Variants in TSPAN14 observed in about 807,000 individuals in gnomAD.
The protein encoded by TSPAN14 is tetraspanin 14, also known as tetraspanin-14.
Under a neutral mutation model 36.6 loss-of-function variants are expected in TSPAN14, and 16 were observed. That is an observed-to-expected ratio of 0.44 (90% CI 0.30 to 0.66). The LOEUF is 0.66. Among genes scored for constraint, TSPAN14 ranks in the 30% least tolerant of loss-of-function variants. The pLI is 0.12. For missense variants in TSPAN14, 231 were observed against 355.1 expected, an observed-to-expected ratio of 0.65 and a Z score of 2.81; for synonymous variants, 139 against 143.8, an observed-to-expected ratio of 0.97 and a Z score of 0.24.
chr10:80,462,384 T>TGGGGGGGGGG (rs1386121326), intron 1 of TSPAN14, among the ~76,000 whole-genome samples: 1 of 147,386 alleles, frequency 6.8e-6, no homozygotes, highest in African/African-American at 2.5e-5. Flanking sequence ...TGGGGTGGGG[T>TGGGGGGGGGG]GGAGGAGTTA....
chr10:80,517,036 C>G (rs569179613), intron 8 of TSPAN14, among the ~76,000 whole-genome samples: 1 of 152,178 alleles, frequency 6.6e-6, no homozygotes, highest in South Asian at 2.1e-4. Flanking sequence ...AGGAGTCTTT[C>G]CAGTGCTGTT....
chr10:80,507,368 C>T (rs1475493024), exon 4 of TSPAN14: 2 of 1,614,148 alleles, frequency 1.2e-6, no homozygotes, highest in East Asian at 2.2e-5. Flanking sequence ...TCTGCTTGCT[C>T]AACTTTGTGA....
intron 1 of TSPAN14, among the ~76,000 whole-genome samples, chr10:80,463,438 C>G (rs1291155542): frequency 6.6e-6 from 1 of 152,220 alleles, no homozygotes; most frequent in Non-Finnish European, 1.5e-5. Flanking sequence ...TGTTCAGTGC[C>G]TAGTCAAGCA....
chr10:80,487,216 C>G (rs564732487), intron 1 of TSPAN14, among the ~76,000 whole-genome samples: 1 of 152,122 alleles, frequency 6.6e-6, no homozygotes, highest in East Asian at 1.9e-4. Context: ...TCAACAGGCC[C>G]GTCTACCTTG....
chr10:80,518,075 A>G, exon 9 of TSPAN14: 2 of 1,232,076 alleles, frequency 1.6e-6, no homozygotes, highest in Non-Finnish European at 2.3e-6. Context: ...CGACACCCCC[A>G]GAGCCAGTGC....
chr10:80,457,699 CTTCT>C (rs1435427593), intron 1 of TSPAN14, among the ~76,000 whole-genome samples: 2 of 152,220 alleles, frequency 1.3e-5, no homozygotes, highest in Non-Finnish European at 1.5e-5. Flanking sequence ...GGTGATGGAG[CTTCT>C]GTCTCCCTAA....
At chr10:80,461,840 C>G (rs1031476839) in intron 1 of TSPAN14, among the ~76,000 whole-genome samples, 11 of 152,008 alleles carry the variant, frequency 7.2e-5, no homozygotes, top group Non-Finnish European at 1.5e-4. Context: ...CACTGAGCCA[C>G]CGAGAGGAGC....
At chr10:80,516,394 T>A (rs1840943972) in intron 8 of TSPAN14, 71 bp downstream of exon 8, 17 of 1,601,110 alleles carry the variant, frequency 1.1e-5, no homozygotes, top group Non-Finnish European at 1.5e-5. Context: ...TAACATAGAG[T>A]GCATGGGTCC....
rs767571263 is a variant in TSPAN14 at position 80,509,363 on chromosome 10, G to C, written c.342G>C (p.Leu114=). The change falls in exon 5 of 9, where the codon CTG becomes CTC. Residue 114 remains leucine (L), a synonymous_variant. Coordinates refer to ENST00000429989, the Ensembl canonical transcript of TSPAN14. This position sits in a 1 kb window ranked among gnomAD's most constrained non-coding sequence, Gnocchi z 4.7. ...TGGCTGTGGCCGTGCTGGCCTTCCT[G>C]TTCCAGGACTGGGTGAGGGACCGGT... 4.3e-6 allele frequency: 7 copies of C among 1,614,176 alleles called. No individual in the cohort carries two copies. The South Asian group carries it at 6.6e-5, about 15-fold the overall frequency.
chr10:80,461,969 A>G (rs1845995546), intron 1 of TSPAN14, among the ~76,000 whole-genome samples: 1 of 150,628 alleles, frequency 6.6e-6, no homozygotes, highest in Non-Finnish European at 1.5e-5. Flanking sequence ...GCTGGAGTGC[A>G]GTGGCCCTAT....
rs138610921 is a variant in TSPAN14 at position 80,491,085 on chromosome 10, G to T, written c.81+1771G>T. Among the ~76,000 whole-genome samples the T allele has an allele frequency of 3.9e-4, 60 of 152,234 alleles. No individual in the cohort carries two copies. In the East Asian group the frequency reaches 0.01, roughly 26 times the overall value. ...GCTTGATTTTACAGCTTCATCTCCT[G>T]GTGATTTATCTTAGTATGTTTGGGG... On this transcript the variant is annotated intron_variant, in intron 2 of 8. Transcript: ENST00000429989.
chr10:80,506,609 CTG>C (rs1373307403), intron 3 of TSPAN14, among the ~76,000 whole-genome samples: 2 of 152,220 alleles, frequency 1.3e-5, no homozygotes, highest in Non-Finnish European at 2.9e-5. Context: ...CATTGTGTGA[CTG>C]TGTTTATATT....
In TSPAN14 at chr10:80,456,305, C is replaced by G. The variant is rs544213313; in HGVS notation, c.-18+1934C>G. On this transcript the variant is annotated intron_variant, in intron 1 of 8. Coordinates refer to ENST00000429989, the Ensembl canonical transcript of TSPAN14. ...TGCTTCTGAAGGTTTGTGGCTGCCC[C>G]AGGAAGAAAGGGCATGGAGCTGCAG... Among the ~76,000 whole-genome samples, 3 of 152,242 alleles carry G rather than the reference C, an allele frequency of 2.0e-5. No homozygotes were observed. The South Asian group carries it at 6.2e-4, about 32-fold the overall frequency.
chr10:80,490,301 A>G (rs963533735), intron 2 of TSPAN14, among the ~76,000 whole-genome samples: 23 of 152,110 alleles, frequency 1.5e-4, no homozygotes, highest in Non-Finnish European at 3.2e-4. Flanking sequence ...GTCTTGGCCA[A>G]CCACCATCAG....
chr10:80,511,385 G>GCA (rs1840609057), intron 5 of TSPAN14, among the ~76,000 whole-genome samples: 1 of 152,136 alleles, frequency 6.6e-6, no homozygotes, highest in Non-Finnish European at 1.5e-5. Flanking sequence ...AGTTTCTCAG[G>GCA]GAGGAAGAAC....
At chr10:80,455,896 C>T (rs1387017333) in intron 1 of TSPAN14, among the ~76,000 whole-genome samples, 1 of 152,142 alleles carries the variant, frequency 6.6e-6, no homozygotes, top group Non-Finnish European at 1.5e-5. Flanking sequence ...ACTCCGATCC[C>T]TAACGTTATA....
intron 7 of TSPAN14, chr10:80,515,349 C>A (rs1840878563): frequency 6.6e-6 from 1 of 152,410 alleles, no homozygotes; most frequent in Admixed American, 6.5e-5. Flanking sequence ...TGGCTGTCCT[C>A]TCCCTGTGTC....
intron 1 of TSPAN14, among the ~76,000 whole-genome samples, chr10:80,469,249 C>T (rs894224062): frequency 6.6e-6 from 1 of 152,130 alleles, no homozygotes; most frequent in African/African-American, 2.4e-5. Context: ...CTGCCCTGTT[C>T]CAGCTGGAGA....
intron 1 of TSPAN14, among the ~76,000 whole-genome samples, chr10:80,481,672 G>T (rs1028506546): frequency 6.6e-6 from 1 of 152,208 alleles, no homozygotes; most frequent in African/African-American, 2.4e-5. Flanking sequence ...CTGGGGAATT[G>T]TAATACAAAA....
Sources: allele counts gnomAD v4.1 joint callset (sites outside exome capture counted in the v4.1 genomes callset), GRCh38; gene constraint gnomAD v4.1.1; non-coding constraint Gnocchi (gnomAD v3.1); transcripts MANE v1.5; gene names NCBI Gene and HGNC (gene_info 2026-07-23, HGNC 2026-07-21).